Variants in PRH1 observed in about 807,000 individuals in gnomAD.
The protein encoded by PRH1 is proline rich protein HaeIII subfamily 1.
PRH1 carries 7 observed loss-of-function variants against 7.9 expected under a neutral mutation model. The observed-to-expected ratio is 0.89, with a 90% CI of 0.50 to 1.67. The LOEUF is 1.67. PRH1 is among the 40% of genes most tolerant of loss of function. The pLI is 0.00. For missense variants in PRH1, 109 were observed against 223.6 expected (o/e 0.49, Z 3.27); for synonymous variants, 45 against 80.8 (o/e 0.56, Z 2.38).
At chr12:11,137,222 A>ATT (rs35890270) in intron 1 of PRH1, among the ~76,000 whole-genome samples, 4 of 151,808 alleles carry the variant, frequency 2.6e-5, no homozygotes, top group Non-Finnish European at 4.4e-5. Context: ...TTTAAATTTT[A>ATT]CTGTTTTTAT....
chr12:10,965,326 A>G (rs1328061182), intron 2 of PRH1: 10 of 1,270,954 alleles, frequency 7.9e-6, no homozygotes, highest in Non-Finnish European at 1.1e-5. Flanking sequence ...CTAGAATGGA[A>G]AAAATGATGG....
intron 2 of PRH1, among the ~76,000 whole-genome samples, chr12:10,953,127 A>G (rs1243054377): frequency 6.6e-6 from 1 of 152,218 alleles, no homozygotes; most frequent in Non-Finnish European, 1.5e-5. Context: ...ACAGAAAAAA[A>G]AAAATCCAAA....
At chr12:10,914,274 T>C (rs1949942012) in intron 2 of PRH1, among the ~76,000 whole-genome samples, 1 of 152,246 alleles carries the variant, frequency 6.6e-6, no homozygotes, top group Non-Finnish European at 1.5e-5. Context: ...AATTGCCTAC[T>C]GTCTAGCTAA....
At chr12:10,884,320 C>A, upstream of PRH1, 3 of 1,467,200 alleles carry the variant, frequency 2.0e-6, no homozygotes, top group South Asian at 2.3e-5. Context: ...AGCTCCCTAC[C>A]AGGTGGGCCT....
chr12:10,889,246 C>T (rs911775970), upstream of PRH1, among the ~76,000 whole-genome samples: 1 of 152,078 alleles, frequency 6.6e-6, no homozygotes, highest in Non-Finnish European at 1.5e-5. Flanking sequence ...TCTTAGAATG[C>T]CTGGATTTCC....
chr12:11,049,451 T>C (rs77515839), upstream of PRH1, among the ~76,000 whole-genome samples: 5 of 26,622 alleles, frequency 1.9e-4, no homozygotes, highest in Non-Finnish European at 8.0e-4. Flanking sequence ...GCTGTCTTTA[T>C]AGAAATAGAA....
At chr12:11,151,289 A>G (rs117991660) in intron 1 of PRH1, among the ~76,000 whole-genome samples, 2,322 of 150,072 alleles carry the variant, frequency 0.015, 19 homozygotes, top group South Asian at 0.031. Flanking sequence ...TTTTTTTTCA[A>G]TGTGCCCTGC....
At chr12:11,018,935 G>A (rs1425948118) in intron 1 of PRH1, among the ~76,000 whole-genome samples, 1 of 152,264 alleles carries the variant, frequency 6.6e-6, no homozygotes, top group African/African-American at 2.4e-5. Context: ...ACAGTTCTAT[G>A]TGCATGTCTA....
rs113817605 is a variant in PRH1, at chr12:10,925,615, G to A, written c.-58-41340C>T. Among the ~76,000 whole-genome samples the A allele has an allele frequency of 3.4e-3, 523 of 152,324 alleles. 2 individuals are homozygous for A. The highest frequency in any genetic ancestry group is 5.7e-3 in the Non-Finnish European group (387 of 68,034). On this transcript the variant is annotated intron_variant, in intron 2 of 3. Transcript: ENST00000539853. ...TATATGAAGGCAAGGAGGAAAACAG[G>A]TGAATGGAAGCCTACGTAAATGTGC...
chr12:11,051,455 A>G (rs1943140093), upstream of PRH1, among the ~76,000 whole-genome samples: 1 of 152,176 alleles, frequency 6.6e-6, no homozygotes, highest in South Asian at 2.1e-4. Context: ...ACTAGACTGC[A>G]CACTTAGAAA....
intron 1 of PRH1, among the ~76,000 whole-genome samples, chr12:11,080,572 T>C (rs67679362): frequency 0.52 from 58,640 of 113,370 alleles, 25,153 homozygotes; most frequent in East Asian, 0.95. Flanking sequence ...CTAAATTTAT[T>C]TCTGTCACCT....
intron 2 of PRH1, among the ~76,000 whole-genome samples, chr12:10,961,001 A>G (rs1938212218): frequency 6.6e-6 from 1 of 152,226 alleles, no homozygotes; most frequent in Non-Finnish European, 1.5e-5. Context: ...TGGAGTTTCC[A>G]AAGGCCATTG....
At chr12:10,909,368 T>A in intron 2 of PRH1, 2 of 1,060,746 alleles carry the variant, frequency 1.9e-6, no homozygotes, top group Non-Finnish European at 2.8e-6. Context: ...GCTATTCACA[T>A]CCTTGAGTGT....
chr12:11,167,282 G>A (rs1246939126), intron 1 of PRH1, among the ~76,000 whole-genome samples: 2 of 152,108 alleles, frequency 1.3e-5, no homozygotes, highest in Non-Finnish European at 2.9e-5. Context: ...TGTGTCTGGG[G>A]CTCCCAGGTA....
intron 2 of PRH1, among the ~76,000 whole-genome samples, chr12:10,907,016 A>G (rs958994913): frequency 1.3e-5 from 2 of 152,232 alleles, no homozygotes; most frequent in African/African-American, 4.8e-5. Context: ...CATTAGGAAA[A>G]TGTGAATTAA....
rs571401039 is a variant in PRH1, at chr12:10,994,865, C to T, written c.-125-21144G>A. Among the ~76,000 whole-genome samples, 16 of 152,174 alleles carry T rather than the reference C, an allele frequency of 1.1e-4. No homozygotes were observed. The East Asian group carries it at 2.3e-3, about 22-fold the overall frequency. On this transcript the variant is annotated intron_variant, in intron 1 of 3. Transcript: ENST00000539853. Reference sequence around the variant, plus strand: ...TAGAAATACCACAATATAAATATATCATTCGCAATAGAAAAGATATGTGCA... The same window carrying T: ...TAGAAATACCACAATATAAATATATTATTCGCAATAGAAAAGATATGTGCA...
intron 2 of PRH1, among the ~76,000 whole-genome samples, chr12:10,948,301 C>A (rs1950518383): frequency 6.6e-6 from 1 of 152,138 alleles, no homozygotes; most frequent in Admixed American, 6.5e-5. Flanking sequence ...TAATCCCATA[C>A]TTCTCAGGGG....
At chr12:11,078,778 C>T (rs1430791928) in intron 1 of PRH1, 3 of 152,118 alleles carry the variant, frequency 2.0e-5, no homozygotes, top group South Asian at 2.1e-4. Flanking sequence ...GATTTAAATA[C>T]CAGATTCTAA....
At chr12:11,147,913 C>A (rs1592105497) in intron 1 of PRH1, among the ~76,000 whole-genome samples, 3 of 150,966 alleles carry the variant, frequency 2.0e-5, no homozygotes, top group Non-Finnish European at 4.4e-5. Flanking sequence ...TTCTTCCTAC[C>A]CATGAGCATG....
Sources: allele counts gnomAD v4.1 joint callset (sites outside exome capture counted in the v4.1 genomes callset), GRCh38; gene constraint gnomAD v4.1.1; transcripts MANE v1.5; gene names NCBI Gene and HGNC (gene_info 2026-07-23, HGNC 2026-07-21).